IFIH1: variants seen among roughly 807,000 people sequenced by gnomAD.
The protein encoded by IFIH1 is interferon-induced helicase C domain-containing protein 1.
Under a neutral mutation model 107.4 loss-of-function variants are expected in IFIH1, and 125 were observed. The ratio of observed to expected loss-of-function variants is 1.16; its 90% CI spans 1.01 to 1.35. The LOEUF is 1.35. IFIH1 is among the 40% of genes most tolerant of loss of function. IFIH1 has a pLI of 0.00. For missense variants in IFIH1, 1,333 were observed against 1,213.7 expected (o/e 1.10, Z -1.46); for synonymous variants, 458 against 413.2 (o/e 1.11, Z -1.31).
intron 5 of IFIH1, among the ~76,000 whole-genome samples, chr2:162,287,796 A>G (rs905308434): frequency 9.9e-5 from 15 of 151,954 alleles, no homozygotes; most frequent in African/African-American, 3.6e-4. Context: ...TAAATTAGCT[A>G]GTTAACCTTA....
intron 3 of IFIH1, among the ~76,000 whole-genome samples, chr2:162,304,289 C>T (rs1231980280): frequency 2.0e-5 from 3 of 152,068 alleles, no homozygotes; most frequent in Non-Finnish European, 4.4e-5. Context: ...GGTGAAACCC[C>T]ATTCTCTAAA....
intron 4 of IFIH1, among the ~76,000 whole-genome samples, chr2:162,291,924 G>A (rs997286747): frequency 7.2e-5 from 11 of 151,756 alleles, no homozygotes; most frequent in African/African-American, 2.4e-4. Context: ...AGTGGTGTTC[G>A]TTCTGATGTG....
At chr2:162,279,218 C>A (rs1419331841) in intron 8 of IFIH1, among the ~76,000 whole-genome samples, 1 of 151,926 alleles carries the variant, frequency 6.6e-6, no homozygotes, top group Non-Finnish European at 1.5e-5. Context: ...GAGTAGATAG[C>A]AGTCTTTTTC....
At chr2:162,314,499 T>G (rs1418035892) in intron 1 of IFIH1, among the ~76,000 whole-genome samples, 2 of 149,384 alleles carry the variant, frequency 1.3e-5, no homozygotes, top group Admixed American at 6.8e-5. Flanking sequence ...TCTTTCTCTC[T>G]TTCTTATTAG....
intron 3 of IFIH1, among the ~76,000 whole-genome samples, chr2:162,299,693 C>T (rs923435357): frequency 6.6e-6 from 1 of 152,106 alleles, no homozygotes. Flanking sequence ...ATTGTGCTGG[C>T]ATTGTATAAT....
At chr2:162,290,733 G>A (rs1387224711) in intron 4 of IFIH1, among the ~76,000 whole-genome samples, 1 of 151,848 alleles carries the variant, frequency 6.6e-6, no homozygotes, top group Non-Finnish European at 1.5e-5. Flanking sequence ...GATTTGATAG[G>A]TGGCCCTAAG....
intron 3 of IFIH1, among the ~76,000 whole-genome samples, chr2:162,298,168 A>G (rs1356200664): frequency 6.6e-6 from 1 of 152,190 alleles, no homozygotes; most frequent in Non-Finnish European, 1.5e-5. Context: ...ACAAGTAGGC[A>G]TTCTTTATTC....
intron 13 of IFIH1, among the ~76,000 whole-genome samples, chr2:162,270,309 C>T (rs1057498948): frequency 6.6e-6 from 1 of 152,174 alleles, no homozygotes; most frequent in Non-Finnish European, 1.5e-5. Context: ...TTTTAAGAAG[C>T]TCTGTTATGT....
chr2:162,314,529 CCAGGGTGGAGTG>C (rs1683452607), intron 1 of IFIH1, among the ~76,000 whole-genome samples: 1 of 149,754 alleles, frequency 6.7e-6, no homozygotes, highest in Non-Finnish European at 1.5e-5. Flanking sequence ...CGCTCTGTCA[CCAGGGTGGAGTG>C]CAGTGGCGCC....
At position 162,276,697 on chromosome 2, in the gene IFIH1, G is replaced by A. The variant is rs376380607; in HGVS notation, c.2294C>T (p.Pro765Leu). Residue 765 changes from proline to leucine, a missense_variant, in exon 11 of 16, where the codon CCC (proline) becomes CTC (leucine). Physicochemically the swap from Pro to Leu is moderately conservative, Grantham distance 98. Transcript: ENST00000649979. ...AAAGGATATTTATACCTGTGTCATGGGTTTGAACTCACTGCTGTGTCCAGC... is the reference window on the plus strand; with the variant it reads ...AAAGGATATTTATACCTGTGTCATGAGTTTGAACTCACTGCTGTGTCCAGC... The part of the protein sequence containing the change: ...IGAGHSSEFK[P>L]MTQNEQKEVI... 4.5e-5 allele frequency: 73 copies of A among 1,612,850 alleles called. No homozygotes were observed. Among genetic ancestry groups the A allele is most frequent in the Non-Finnish European group, 5.8e-5 (68 of 1,179,540 alleles).
At position 162,318,331 on chromosome 2, in the gene IFIH1, G is replaced by A. The variant is rs774951503; in HGVS notation, c.-24C>T. 1.3e-6 allele frequency: 2 copies of A among 1,579,500 alleles called. No homozygotes were observed. The highest frequency in any genetic ancestry group is 1.1e-5 in the South Asian group (1 of 89,332). ...ATCTTTCTTTCTCAGAGAAGGGAGA[G>A]GGTTCTCCCAAGCAGATGGTGCTGT... On this transcript the variant is annotated 5_prime_UTR_variant, in exon 1 of 16. Coordinates refer to ENST00000649979, the MANE Select transcript of IFIH1 (RefSeq NM_022168.4).
intron 3 of IFIH1, among the ~76,000 whole-genome samples, chr2:162,297,020 G>A (rs189503374): frequency 1.3e-4 from 19 of 151,886 alleles, no homozygotes; most frequent in Admixed American, 8.5e-4. Context: ...TTTGATATAC[G>A]TTTTTGCTTT....
At chr2:162,273,986 C>T in intron 11 of IFIH1, 42 bp from the exon 12 acceptor site, 1 of 1,354,100 alleles carries the variant, frequency 7.4e-7, no homozygotes, top group Non-Finnish European at 1.0e-6. Context: ...TGATGCTAAA[C>T]ACATTAAAAT....
rs376074455 is a variant in IFIH1 at position 162,277,463 on chromosome 2, G to T, written c.1996C>A (p.Pro666Thr). Residue 666 changes from proline (P) to threonine (T), a missense_variant, in exon 10 of 16, where the codon CCT becomes ACT. Physicochemically the swap from Pro to Thr is conservative, Grantham distance 38 (BLOSUM62 -1). Coordinates refer to ENST00000649979, the MANE Select transcript of IFIH1 (RefSeq NM_022168.4). ...GDEDEDDLKK[P>T]LKLDETDRFL... ...CTATCTGTTTCATCCAGTTTCAAAG[G>T]TTTCTTTAAATCATCCTCATCTTCA... is the stretch of plus-strand genomic sequence containing the variant. The T allele has an allele frequency of 2.3e-5, 37 of 1,608,500 alleles. No homozygotes were observed. Among genetic ancestry groups the T allele is most frequent in the Non-Finnish European group, 3.1e-5 (36 of 1,176,160 alleles).
chr2:162,305,009 T>G (rs1683256392), intron 3 of IFIH1, among the ~76,000 whole-genome samples: 1 of 152,248 alleles, frequency 6.6e-6, no homozygotes, highest in Non-Finnish European at 1.5e-5. Context: ...AGGCATTATT[T>G]AAATGTTCAA....
intron 3 of IFIH1, among the ~76,000 whole-genome samples, chr2:162,305,849 G>T (rs1683271641): frequency 1.3e-5 from 2 of 152,202 alleles, no homozygotes; most frequent in Admixed American, 6.5e-5. Context: ...TTTTGCATCT[G>T]TACGGTGGGA....
At chr2:162,277,343 C>A in intron 10 of IFIH1, 72 bp downstream of exon 10, 1 of 1,070,188 alleles carries the variant, frequency 9.3e-7, no homozygotes, top group Admixed American at 2.2e-5. Context: ...TTTTGGAGAG[C>A]TTATGAGAAG....
intron 2 of IFIH1, among the ~76,000 whole-genome samples, chr2:162,307,920 T>C (rs980000586): frequency 1.4e-4 from 22 of 152,334 alleles, no homozygotes; most frequent in African/African-American, 4.6e-4. Context: ...AATATTATTG[T>C]CTCCATTTTA....
intron 4 of IFIH1, among the ~76,000 whole-genome samples, chr2:162,288,745 G>C (rs1243513746): frequency 1.3e-5 from 2 of 151,870 alleles, no homozygotes; most frequent in African/African-American, 4.8e-5. Flanking sequence ...ACTATGCCCT[G>C]CTTGTTTCAC....
Sources: gnomAD v4.1 joint callset for allele counts (sites outside exome capture counted in the v4.1 genomes callset) on GRCh38, gnomAD v4.1.1 for gene constraint, MANE v1.5 for transcripts, NCBI Gene and HGNC (gene_info 2026-07-23, HGNC 2026-07-21) for gene names.